FAM118B: variants seen among roughly 807,000 people sequenced by gnomAD.
The protein encoded by FAM118B is protein FAM118B.
A neutral mutation model predicts 38.5 loss-of-function variants in FAM118B; 24 were observed. That is an observed-to-expected ratio of 0.62 (90% CI 0.45 to 0.88). FAM118B has a LOEUF of 0.88. Ranked by LOEUF, FAM118B falls within the 40% of genes least tolerant of loss-of-function variation. The pLI is 0.00. For missense variants in FAM118B, 334 were observed against 420.0 expected, an observed-to-expected ratio of 0.80 and a Z score of 1.79; for synonymous variants, 138 against 156.3, an observed-to-expected ratio of 0.88 and a Z score of 0.87.
chr11:126,223,806 A>G (rs916593553), intron 1 of FAM118B, among the ~76,000 whole-genome samples: 2 of 152,302 alleles, frequency 1.3e-5, no homozygotes, highest in Non-Finnish European at 2.9e-5. Context: ...AGTGATTTAT[A>G]TATAAAATGT....
At position 126,253,540 on chromosome 11, in the gene FAM118B, A is replaced by C. The variant is rs1220799327; in HGVS notation, c.568-765A>C. Among the ~76,000 whole-genome samples the C allele has an allele frequency of 1.3e-5, 2 of 152,224 alleles. No homozygotes were observed. Reference sequence around the variant, plus strand: ...TCTATCACTTATCTATTGCTGTACAAGTAATGGCCGTGAAACTTTGTGGCT... The same window carrying C: ...TCTATCACTTATCTATTGCTGTACACGTAATGGCCGTGAAACTTTGTGGCT... On this transcript the variant is annotated intron_variant, in intron 5 of 8. Transcript: ENST00000533050. The surrounding 1 kb of genome is among the most constrained non-coding windows in gnomAD (Gnocchi z 5.1).
intron 3 of FAM118B, among the ~76,000 whole-genome samples, chr11:126,237,916 A>AT (rs942469776): frequency 1.0e-4 from 15 of 150,514 alleles, no homozygotes; most frequent in African/African-American, 2.9e-4. Context: ...TTTTCTTTTA[A>AT]TTTTTTTTTC....
intron 1 of FAM118B, among the ~76,000 whole-genome samples, chr11:126,226,607 ACT>A (rs1302511298): frequency 2.0e-5 from 3 of 152,048 alleles, no homozygotes; most frequent in African/African-American, 4.8e-5. Context: ...CTACTAGTCT[ACT>A]CTCTTTCTCT....
chr11:126,223,977 A>C (rs1220842122), intron 1 of FAM118B, among the ~76,000 whole-genome samples: 4 of 152,246 alleles, frequency 2.6e-5, no homozygotes, highest in African/African-American at 9.6e-5. Flanking sequence ...TCCATTTAAA[A>C]ACTAACATGG....
intron 4 of FAM118B, among the ~76,000 whole-genome samples, chr11:126,247,761 G>T (rs1252072461): frequency 1.4e-5 from 2 of 145,952 alleles, no homozygotes; most frequent in Non-Finnish European, 3.0e-5. Flanking sequence ...GGGAGGCTGA[G>T]GCAGGGGAAT....
chr11:126,250,439 T>C lies in FAM118B; in HGVS notation c.340-67T>C. On this transcript the variant is annotated intron_variant, in intron 4 of 8. Coordinates refer to ENST00000533050, the MANE Select transcript of FAM118B (RefSeq NM_024556.4). This position sits in a 1 kb window ranked among gnomAD's most constrained non-coding sequence, Gnocchi z 5.1. ...ATATTCTTCCAAAATTTGTTACTGC[T>C]GTAACTAAAACAACTGACCTACCAA... 3 of 1,086,512 alleles carry C rather than the reference T, an allele frequency of 2.8e-6. No individual in the cohort carries two copies. In the Admixed American group the frequency reaches 5.8e-5, roughly 21 times the overall value. The allele number at this position is 1,086,512 out of a possible 1,614,324, so 67.3% of individuals were successfully genotyped here.
At chr11:126,230,985 A>AACACTCGCC (rs1449237933) in intron 2 of FAM118B, among the ~76,000 whole-genome samples, 1 of 152,164 alleles carries the variant, frequency 6.6e-6, no homozygotes, top group Non-Finnish European at 1.5e-5. Context: ...TTTTTTCTAG[A>AACACTCGCC]ACACTCGCCC....
chr11:126,254,329 C>G lies in FAM118B; in HGVS notation c.592C>G (p.Arg198Gly), dbSNP rs146352217. The G allele has an allele frequency of 9.5e-5, 154 of 1,613,964 alleles. 1 individual carries two copies. The highest frequency in any genetic ancestry group is 1.7e-5 in the Admixed American group (1 of 59,990). ...KKVLEWAQEK[R>G]KLSVLHIHGV... The stretch of plus-strand genomic sequence containing the variant: ...GGTCCTCGAGTGGGCTCAGGAGAAG[C>G]GTAAGCTGAGCGTGTTGCATATTCA... Residue 198 changes from arginine to glycine, a missense_variant, in exon 6 of 9, where the codon CGT becomes GGT. Transcript: ENST00000533050.
intron 4 of FAM118B, among the ~76,000 whole-genome samples, chr11:126,243,645 T>C (rs1263857025): frequency 6.6e-6 from 1 of 152,136 alleles, no homozygotes; most frequent in Non-Finnish European, 1.5e-5. Context: ...GGCTCACACC[T>C]GTAATCCTAG....
chr11:126,234,214 T>C (rs1298598857), intron 2 of FAM118B, among the ~76,000 whole-genome samples: 1 of 152,236 alleles, frequency 6.6e-6, no homozygotes, highest in East Asian at 1.9e-4. Context: ...GTCTTCTATA[T>C]TGTGTGTGTG....
In FAM118B at chr11:126,213,454, A is replaced by T. The variant is rs548189747; in HGVS notation, c.-77+1624A>T. 2.6e-5 allele frequency among the ~76,000 whole-genome samples: 4 copies of T among 152,306 alleles called. No homozygotes were observed. The South Asian group carries it at 8.3e-4, about 32-fold the overall frequency. ...AAATTTACCAGTAAGACAGAGGTCT[A>T]TAAAAGTTGAGAAATTCCACCCTAA... On this transcript the variant is annotated intron_variant, in intron 1 of 8. Coordinates refer to ENST00000533050, the MANE Select transcript of FAM118B (RefSeq NM_024556.4).
At chr11:126,235,962 T>C (rs911526569) in intron 3 of FAM118B, among the ~76,000 whole-genome samples, 1 of 152,254 alleles carries the variant, frequency 6.6e-6, no homozygotes, top group Non-Finnish European at 1.5e-5. Context: ...TGTTTGTTTG[T>C]TTGCTTTCAA....
chr11:126,260,966 G>C (rs932449752), intron 7 of FAM118B: 4 of 155,520 alleles, frequency 2.6e-5, no homozygotes, highest in Admixed American at 1.3e-4. Flanking sequence ...TTTTTAATTT[G>C]AAACCAAGTA....
In FAM118B at chr11:126,250,731, A is replaced by C; in HGVS notation, c.565A>C (p.Lys189Gln). ...LESLDLTDEK[K>Q]VLEWAQEKRK... ...ATCCCTTGACCTTACTGATGAGAAAAAGGTAAAAAGTAAAGCATTGGTCCC... is the reference window on the plus strand; with the variant it reads ...ATCCCTTGACCTTACTGATGAGAAACAGGTAAAAAGTAAAGCATTGGTCCC... The change falls in exon 5 of 9, where the codon AAG becomes CAG. Residue 189 changes from lysine to glutamine, a missense_variant and splice_region_variant. Transcript: ENST00000533050. The surrounding 1 kb of genome is among the most constrained non-coding windows in gnomAD (Gnocchi z 5.1). The C allele has an allele frequency of 6.2e-7, 1 of 1,607,322 alleles. No individual in the cohort carries two copies. Among genetic ancestry groups the C allele is most frequent in the African/African-American group, 1.3e-5 (1 of 74,864 alleles).
intron 1 of FAM118B, among the ~76,000 whole-genome samples, chr11:126,226,865 C>T (rs1206076552): frequency 3.3e-5 from 5 of 150,110 alleles, no homozygotes; most frequent in Non-Finnish European, 7.4e-5. Context: ...CCCAGCTACC[C>T]GAGAGGCTGA....
At chr11:126,221,662 T>G (rs583093) in intron 1 of FAM118B, among the ~76,000 whole-genome samples, 109,933 of 151,088 alleles carry the variant, frequency 0.73, 41,040 homozygotes, top group East Asian at 1. Flanking sequence ...GGTATTTTAA[T>G]ATCTAGGGGT....
chr11:126,214,514 G>GTTTTTTTTTTTTTTTTTTTTTTTTT, intron 1 of FAM118B: 1 of 41,500 alleles, frequency 2.4e-5, no homozygotes. Context: ...TTTTTTTTTT[G>GTTTTTTTTTTTTTTTTTTTTTTTTT]TTTTTTTTTT....
rs1157427275 is a variant in FAM118B at position 126,250,503 on chromosome 11, C to T, written c.340-3C>T. ...AATTTTCTTTTTTCAAATCCCTCCT[C>T]AGCGTACCAGTAATGTTCGATCCAC... On this transcript the variant is annotated splice_region_variant and splice_polypyrimidine_tract_variant and intron_variant, in intron 4 of 8. Coordinates refer to ENST00000533050, the MANE Select transcript of FAM118B (RefSeq NM_024556.4). The surrounding 1 kb of genome is among the most constrained non-coding windows in gnomAD (Gnocchi z 5.1). The T allele has an allele frequency of 1.2e-6, 2 of 1,608,074 alleles. No individual in the cohort carries two copies. The highest frequency in any genetic ancestry group is 1.7e-6 in the Non-Finnish European group (2 of 1,174,672).
At chr11:126,214,668 ATT>A (rs1949956370) in intron 1 of FAM118B, among the ~76,000 whole-genome samples, 3 of 151,888 alleles carry the variant, frequency 2.0e-5, no homozygotes, top group Admixed American at 2.0e-4. Context: ...AAGGAAGGAA[ATT>A]CTATTAGTGA....
Sources: gnomAD v4.1 joint callset for allele counts (sites outside exome capture counted in the v4.1 genomes callset) on GRCh38, gnomAD v4.1.1 for gene constraint, Gnocchi (gnomAD v3.1) non-coding constraint, MANE v1.5 for transcripts, NCBI Gene and HGNC (gene_info 2026-07-23, HGNC 2026-07-21) for gene names.